ROBO2: variants seen among roughly 807,000 people sequenced by gnomAD.
ROBO2 encodes the protein roundabout homolog 2.
In ROBO2, 53 loss-of-function variants were observed where a neutral mutation model predicts 160.8. The ratio of observed to expected loss-of-function variants is 0.33; its 90% CI spans 0.26 to 0.41. ROBO2 has a LOEUF of 0.41. Ranked by LOEUF, ROBO2 falls within the 10% of genes least tolerant of loss-of-function variation. The probability of loss-of-function intolerance (pLI) is 1.00; values close to 1 mark genes in which losing one functional copy is unlikely to be tolerated. For missense variants in ROBO2, 1,577 were observed against 1,722.4 expected (o/e 0.92, Z 1.49); for synonymous variants, 664 against 611.7 (o/e 1.09, Z -1.26).
chr3:77,035,776 A>C (rs564250717), upstream of ROBO2, among the ~76,000 whole-genome samples: 1 of 151,862 alleles, frequency 6.6e-6, no homozygotes, highest in Non-Finnish European at 1.5e-5. Context: ...AAAATCATGT[A>C]GGGGCAAATG....
intron 2 of ROBO2, among the ~76,000 whole-genome samples, chr3:76,510,835 C>A (rs1292439054): frequency 6.6e-6 from 1 of 152,110 alleles, no homozygotes; most frequent in Admixed American, 6.6e-5. Flanking sequence ...AGAATGGATT[C>A]TTTAGCTTCT....
chr3:77,277,443 T>A (rs930313224), intron 2 of ROBO2, among the ~76,000 whole-genome samples: 5 of 151,932 alleles, frequency 3.3e-5, no homozygotes, highest in Non-Finnish European at 5.9e-5. Context: ...TTCCAGATGA[T>A]GTCACTCCCA....
intron 2 of ROBO2, among the ~76,000 whole-genome samples, chr3:77,366,114 A>G (rs1397897207): frequency 3.3e-5 from 5 of 152,154 alleles, no homozygotes; most frequent in African/African-American, 4.8e-5. Context: ...TGAGTTTGTA[A>G]AAAGAAGTAC....
chr3:76,313,658 G>A (rs560428113), intron 2 of ROBO2, among the ~76,000 whole-genome samples: 7 of 152,132 alleles, frequency 4.6e-5, no homozygotes, highest in Non-Finnish European at 5.9e-5. Flanking sequence ...GCTTACCTGC[G>A]TACAAAACAA....
At chr3:77,579,806 T>C (rs1355343838) in intron 15 of ROBO2, 141 bp from the exon 17 acceptor site, 1 of 720,926 alleles carries the variant, frequency 1.4e-6, no homozygotes, top group East Asian at 2.7e-5. Flanking sequence ...GGTTGGGCTT[T>C]AGAAGATGTC....
chr3:77,209,858 A>G (rs902922619), intron 2 of ROBO2, among the ~76,000 whole-genome samples: 14 of 152,110 alleles, frequency 9.2e-5, no homozygotes, highest in African/African-American at 3.4e-4. Context: ...ATACTTACTT[A>G]TTGTGTCCAG....
chr3:77,308,356 C>T (rs2063272060), intron 2 of ROBO2, among the ~76,000 whole-genome samples: 1 of 151,828 alleles, frequency 6.6e-6, no homozygotes, highest in Admixed American at 6.6e-5. Context: ...TGAATAAAAG[C>T]ATAATAAAAG....
chr3:76,937,541 C>T (rs1387978429), intron 2 of ROBO2, among the ~76,000 whole-genome samples: 1 of 146,650 alleles, frequency 6.8e-6, no homozygotes, highest in East Asian at 1.9e-4. Flanking sequence ...ACAATGCATG[C>T]ATCTTAAAAT....
chr3:76,744,283 C>T (rs1181403404), intron 2 of ROBO2, among the ~76,000 whole-genome samples: 2 of 150,010 alleles, frequency 1.3e-5, no homozygotes, highest in Non-Finnish European at 2.9e-5. Context: ...CCTGTTACTT[C>T]TTCTTCTTCC....
chr3:77,058,292 G>A (rs2065958467), intron 1 of ROBO2, among the ~76,000 whole-genome samples: 2 of 152,076 alleles, frequency 1.3e-5, no homozygotes, highest in African/African-American at 4.8e-5. Flanking sequence ...ATACACTAAT[G>A]TTTAGTTACC....
rs375207016 is a variant in ROBO2, at chr3:77,094,680, C to T, written c.62-3334C>T. On this transcript the variant is annotated intron_variant, in intron 1 of 25. Transcript: ENST00000461745. ...GGATGAGGCTTTCAGTTTTTCCAAA[C>T]CCTTGACAATACTTGTTATTTTACA... 3.3e-5 allele frequency among the ~76,000 whole-genome samples: 5 copies of T among 152,134 alleles called. No homozygotes were observed. In the East Asian group the frequency reaches 7.7e-4, roughly 23 times the overall value.
At chr3:77,629,274 T>G (rs752746728) in intron 23 of ROBO2, 7 of 152,152 alleles carry the variant, frequency 4.6e-5, no homozygotes, top group Non-Finnish European at 8.8e-5. Flanking sequence ...AGGATATCAT[T>G]TCTTTAGTGA....
chr3:77,079,343 G>A (rs2068373783), intron 1 of ROBO2, among the ~76,000 whole-genome samples: 2 of 152,132 alleles, frequency 1.3e-5, no homozygotes, highest in African/African-American at 2.4e-5. Flanking sequence ...TGAGACTGAC[G>A]TTACAGGTAT....
chr3:76,590,218 T>G (rs2086328339), intron 2 of ROBO2, among the ~76,000 whole-genome samples: 1 of 152,148 alleles, frequency 6.6e-6, no homozygotes, highest in Non-Finnish European at 1.5e-5. Context: ...AAAACAAAGT[T>G]GTCAGACAAA....
intron 2 of ROBO2, among the ~76,000 whole-genome samples, chr3:77,383,949 TA>T (rs1472884429): frequency 6.6e-6 from 1 of 152,156 alleles, no homozygotes; most frequent in Non-Finnish European, 1.5e-5. Flanking sequence ...AGATTGTAGT[TA>T]GAATACTTAA....
At chr3:76,788,379 G>A (rs2063136566) in intron 2 of ROBO2, among the ~76,000 whole-genome samples, 1 of 151,380 alleles carries the variant, frequency 6.6e-6, no homozygotes, top group African/African-American at 2.4e-5. Context: ...CAACTATAGT[G>A]TTTATAGTTC....
At chr3:76,403,733 G>A (rs976039607) in intron 2 of ROBO2, among the ~76,000 whole-genome samples, 5 of 151,614 alleles carry the variant, frequency 3.3e-5, no homozygotes, top group African/African-American at 9.7e-5. Context: ...TATTGAGGGG[G>A]AGTGATTGTG....
At chr3:77,043,864 G>A (rs542186524) in intron 1 of ROBO2, among the ~76,000 whole-genome samples, 2 of 152,140 alleles carry the variant, frequency 1.3e-5, no homozygotes, top group South Asian at 2.1e-4. Context: ...AATGAAAGTG[G>A]CACACATGAT....
chr3:77,614,429 C>G (rs186936003), intron 21 of ROBO2, among the ~76,000 whole-genome samples: 5 of 152,132 alleles, frequency 3.3e-5, no homozygotes, highest in Admixed American at 6.5e-5. Flanking sequence ...ATGGTATTTT[C>G]TAGTATAAAA....
Sources: allele counts gnomAD v4.1 joint callset (sites outside exome capture counted in the v4.1 genomes callset), GRCh38; gene constraint gnomAD v4.1.1; transcripts MANE v1.5; gene names NCBI Gene and HGNC (gene_info 2026-07-23, HGNC 2026-07-21).